The following BLM variants were observed in gnomAD, a reference collection of about 807,000 sequenced individuals.
BLM encodes the protein recQ-like DNA helicase BLM.
A neutral mutation model predicts 135.3 loss-of-function variants in BLM; 95 were observed. That is an observed-to-expected ratio of 0.70 (90% CI 0.59 to 0.83). The LOEUF (loss-of-function observed/expected upper bound fraction) is 0.83, where lower values mean the gene tolerates loss of function less well. BLM is among the 40% of genes least tolerant of loss of function. The pLI is 0.00. For missense variants in BLM, 1,518 were observed against 1,663.9 expected, an observed-to-expected ratio of 0.91 and a Z score of 1.53; for synonymous variants, 520 against 589.2, an observed-to-expected ratio of 0.88 and a Z score of 1.70.
Position 90,779,112 on chromosome 15 carries a change from C to G in BLM, c.2556-3710C>G, listed in dbSNP as rs1050558520. On this transcript the variant is annotated intron_variant, in intron 12 of 21. Transcript: ENST00000355112. ...ATATTGGCCAGGCTGGTCTTGAACT[C>G]CTGACCTCATGATCCGCCCAACTCA... 7.2e-5 allele frequency among the ~76,000 whole-genome samples: 11 copies of G among 152,044 alleles called. 1 individual carries two copies. The highest frequency in any genetic ancestry group is 1.0e-4 in the Non-Finnish European group (7 of 68,004).
In BLM at chr15:90,760,170, C is replaced by A. The variant is rs763360275; in HGVS notation, c.1111C>A (p.Gln371Lys). 9 of 1,610,978 alleles carry A rather than the reference C, an allele frequency of 5.6e-6. No individual in the cohort carries two copies. The highest frequency in any genetic ancestry group is 7.6e-6 in the Non-Finnish European group (9 of 1,177,332). Residue 371 changes from glutamine (Q) to lysine (K), a missense_variant, in exon 6 of 22, where the codon CAG becomes AAG. Around this residue, in one of 5 missense-constraint regions of BLM, gnomAD observed 724 missense variants for 756.9 expected, o/e 0.96. Coordinates refer to ENST00000355112, the MANE Select transcript of BLM (RefSeq NM_000057.4). ...AGCTAGACAGATAAGTTTACAGCAG[C>A]AGCTTATTCATGTGATGGAGCACAT... ...CDARQISLQQ[Q>K]LIHVMEHICK... is the part of the protein sequence containing the mutation.
intron 12 of BLM, among the ~76,000 whole-genome samples, chr15:90,776,453 A>G (rs1052561163): frequency 1.3e-5 from 2 of 152,202 alleles, no homozygotes; most frequent in African/African-American, 2.4e-5. Context: ...TAGTTTCAGT[A>G]TACCTTTCCA....
At chr15:90,799,626 T>TAAAAAAAAAAAAAAAAAAAAAAAAAAAAA (rs10600094) in intron 17 of BLM, among the ~76,000 whole-genome samples, 1 of 108,748 alleles carries the variant, frequency 9.2e-6, no homozygotes, top group Non-Finnish European at 1.8e-5. Flanking sequence ...AAGATGCCTG[T>TAAAAAAAAAAAAAAAAAAAAAAAAAAAAA]AAAAAAAAAA....
intron 17 of BLM, among the ~76,000 whole-genome samples, chr15:90,802,199 A>G (rs1897181116): frequency 6.6e-6 from 1 of 152,252 alleles, no homozygotes; most frequent in Non-Finnish European, 1.5e-5. Flanking sequence ...ACTTAAAGAA[A>G]ATTTTGAATA....
intron 3 of BLM, among the ~76,000 whole-genome samples, chr15:90,750,312 G>A (rs1271085070): frequency 6.6e-6 from 1 of 152,160 alleles, no homozygotes; most frequent in Non-Finnish European, 1.5e-5. Flanking sequence ...AGAAAATACA[G>A]GAGTTTCCCC....
chr15:90,769,312 C>T (rs1896230578), intron 11 of BLM, 81 bp downstream of exon 11: 5 of 1,536,546 alleles, frequency 3.3e-6, no homozygotes, highest in South Asian at 1.1e-5. Flanking sequence ...TAAAAACCCA[C>T]ACTGAGTGAA....
chr15:90,721,359 T>C (rs1231671849), intron 1 of BLM, among the ~76,000 whole-genome samples: 2 of 152,070 alleles, frequency 1.3e-5, no homozygotes, highest in Non-Finnish European at 2.9e-5. Context: ...TGGAGTCTCA[T>C]CCTGTTGCTG....
At chr15:90,813,186 G>A (rs916664260) in intron 21 of BLM, among the ~76,000 whole-genome samples, 2 of 152,174 alleles carry the variant, frequency 1.3e-5, no homozygotes, top group Non-Finnish European at 2.9e-5. Context: ...TAAAAAACAC[G>A]CATGGTCTTC....
At position 90,751,835 on chromosome 15, in the gene BLM, C is replaced by A; in HGVS notation, c.848C>A (p.Thr283Asn). The change falls in exon 4 of 22, where the codon ACT (threonine) becomes AAT (asparagine). Residue 283 changes from threonine (T) to asparagine (N), a missense_variant. Around this residue, in one of 5 missense-constraint regions of BLM, gnomAD observed 724 missense variants for 756.9 expected, o/e 0.96. Coordinates refer to ENST00000355112, the MANE Select transcript of BLM (RefSeq NM_000057.4). The stretch of plus-strand genomic sequence containing the variant: ...TTGGAAGAAGCTGAATTACATTCAA[C>A]TGAGAAAGTTCCATGTATTGAATTT... ...KNLEEAELHS[T>N]EKVPCIEFDD... is the part of the protein sequence containing the mutation. 2 of 1,612,946 alleles carry A rather than the reference C, an allele frequency of 1.2e-6. No homozygotes were observed. The highest frequency in any genetic ancestry group is 1.7e-6 in the Non-Finnish European group (2 of 1,179,056).
chr15:90,806,845 C>T (rs940808040), intron 19 of BLM, among the ~76,000 whole-genome samples: 2 of 152,170 alleles, frequency 1.3e-5, no homozygotes, highest in African/African-American at 4.8e-5. Flanking sequence ...AAGATGCCAA[C>T]TATATTAAGA....
chr15:90,813,191 G>C (rs1338181251), intron 21 of BLM, among the ~76,000 whole-genome samples: 1 of 152,144 alleles, frequency 6.6e-6, no homozygotes, highest in Non-Finnish European at 1.5e-5. Flanking sequence ...AACACGCATG[G>C]TCTTCCATCT....
intron 1 of BLM, 126 bp from the exon 2 acceptor site, chr15:90,747,263 A>AAAG: frequency 2.2e-6 from 1 of 459,624 alleles, no homozygotes; most frequent in Non-Finnish European, 3.8e-6. Context: ...AAAAAAAAAA[A>AAAG]GTCCTATTAC....
chr15:90,771,418 C>A (rs768628720), intron 12 of BLM, among the ~76,000 whole-genome samples: 12 of 151,854 alleles, frequency 7.9e-5, no homozygotes, highest in Non-Finnish European at 1.8e-4. Flanking sequence ...ACCCAGGAGG[C>A]GGAGGTTGCA....
intron 14 of BLM, 82 bp downstream of exon 14, chr15:90,785,163 G>GTT: frequency 7.0e-7 from 1 of 1,430,092 alleles, no homozygotes; most frequent in Non-Finnish European, 9.6e-7. Flanking sequence ...AATGCAAACT[G>GTT]TTTTTACCTT....
intron 19 of BLM, among the ~76,000 whole-genome samples, chr15:90,806,607 A>T (rs1009215141): frequency 6.6e-6 from 1 of 151,984 alleles, no homozygotes; most frequent in Non-Finnish European, 1.5e-5. Context: ...GCACACTGCT[A>T]TGTCTTTAGT....
At chr15:90,806,561 G>T (rs1897290769) in intron 19 of BLM, among the ~76,000 whole-genome samples, 1 of 150,714 alleles carries the variant, frequency 6.6e-6, no homozygotes, top group Admixed American at 6.6e-5. Context: ...TCCTTATGAA[G>T]AGATTATGTT....
chr15:90,778,918 C>CTTTTTTTTTT (rs1896549336), intron 12 of BLM, among the ~76,000 whole-genome samples: 1 of 109,048 alleles, frequency 9.2e-6, no homozygotes. Flanking sequence ...CGGAGTCTCA[C>CTTTTTTTTTT]TCTGTAGCCC....
chr15:90,793,047 A>G (rs1264844221), intron 15 of BLM, among the ~76,000 whole-genome samples: 1 of 151,974 alleles, frequency 6.6e-6, no homozygotes, highest in Non-Finnish European at 1.5e-5. Flanking sequence ...AAACAATTTA[A>G]TAGATATTTA....
intron 5 of BLM, among the ~76,000 whole-genome samples, chr15:90,758,245 T>C (rs559825503): frequency 1.3e-5 from 2 of 152,108 alleles, no homozygotes; most frequent in African/African-American, 2.4e-5. Flanking sequence ...CCCAGCACTT[T>C]GGGAGACCGA....
Sources: gnomAD v4.1 joint callset for allele counts (sites outside exome capture counted in the v4.1 genomes callset) on GRCh38, gnomAD v4.1.1 for gene constraint, gnomAD v4.1.1 regional missense constraint, MANE v1.5 for transcripts, NCBI Gene and HGNC (gene_info 2026-07-23, HGNC 2026-07-21) for gene names.